PCDH15: variants seen among roughly 807,000 people sequenced by gnomAD.
The protein encoded by PCDH15 is protocadherin-15.
In PCDH15, 129 loss-of-function variants were observed where a neutral mutation model predicts 178.5. That is an observed-to-expected ratio of 0.72 (90% CI 0.63 to 0.84). The LOEUF (loss-of-function observed/expected upper bound fraction) is 0.84, where lower values mean the gene tolerates loss of function less well. Among genes scored for constraint, PCDH15 ranks in the 40% least tolerant of loss-of-function variants. The pLI is 0.00. For missense variants in PCDH15, 2,230 were observed against 2,099.9 expected, an observed-to-expected ratio of 1.06 and a Z score of -1.21; for synonymous variants, 800 against 732.0, an observed-to-expected ratio of 1.09 and a Z score of -1.50.
rs571372581 is a variant in PCDH15 at position 54,612,775 on chromosome 10, AT to A, written c.91+51396del. Among the ~76,000 whole-genome samples, 119 of 151,900 alleles carry A rather than the reference AT, an allele frequency of 7.8e-4. 1 individual carries two copies. The highest frequency in any genetic ancestry group is 2.6e-3 in the Admixed American group (40 of 15,186). ...TACTAAAATGGGACATAATTTATTA[AT>A]TTACACAGTATAAAACCTATTGGAA... On this transcript the variant is annotated intron_variant, in intron 2 of 37. Transcript: ENST00000644397.
At chr10:54,280,646 C>T (rs2058639068) in intron 8 of PCDH15, among the ~76,000 whole-genome samples, 1 of 151,590 alleles carries the variant, frequency 6.6e-6, no homozygotes, top group African/African-American at 2.4e-5. Context: ...TCATTCTTTC[C>T]ATCTCAATTT....
At chr10:54,037,984 A>C (rs2093456739) in intron 18 of PCDH15, among the ~76,000 whole-genome samples, 1 of 151,972 alleles carries the variant, frequency 6.6e-6, no homozygotes, top group Admixed American at 6.6e-5. Flanking sequence ...TATGATACTG[A>C]GAAGTCATAA....
At chr10:55,486,050 C>T (rs1840290079) in intron 2 of PCDH15, among the ~76,000 whole-genome samples, 1 of 151,686 alleles carries the variant, frequency 6.6e-6, no homozygotes, top group Admixed American at 6.6e-5. Flanking sequence ...TGCAATTCTA[C>T]TGGGAGGGCA....
At chr10:55,014,533 C>T (rs1840123844) in intron 2 of PCDH15, among the ~76,000 whole-genome samples, 1 of 151,842 alleles carries the variant, frequency 6.6e-6, no homozygotes, top group Non-Finnish European at 1.5e-5. Flanking sequence ...TAGTGAGCAG[C>T]ACTTCTATAC....
chr10:53,867,009 A>G, intron 26 of PCDH15, 152 bp from the exon 27 acceptor site: 1 of 631,264 alleles, frequency 1.6e-6, no homozygotes, highest in South Asian at 1.8e-5. Flanking sequence ...GGATATAGTT[A>G]TGTAGATTAA....
At chr10:55,520,799 G>A (rs1204525661) in intron 2 of PCDH15, among the ~76,000 whole-genome samples, 1 of 151,668 alleles carries the variant, frequency 6.6e-6, no homozygotes, top group Admixed American at 6.6e-5. Flanking sequence ...TTCTTTTCAA[G>A]AAAATTCCAG....
chr10:55,457,654 GA>G (rs1839583555), intron 2 of PCDH15, among the ~76,000 whole-genome samples: 2 of 151,838 alleles, frequency 1.3e-5, no homozygotes, highest in South Asian at 4.2e-4. Flanking sequence ...TAGGGTGGAT[GA>G]CCTGGTACCA....
chr10:54,359,043 G>C (rs1396320406), intron 5 of PCDH15, among the ~76,000 whole-genome samples: 2 of 150,180 alleles, frequency 1.3e-5, no homozygotes, highest in Non-Finnish European at 3.0e-5. Flanking sequence ...ATAGCATTAG[G>C]AGATATACCT....
intron 25 of PCDH15, among the ~76,000 whole-genome samples, chr10:53,919,259 A>G (rs1269263834): frequency 6.6e-6 from 1 of 152,188 alleles, no homozygotes; most frequent in East Asian, 1.9e-4. Context: ...TCTGCCTACA[A>G]GAGGCATATT....
At chr10:55,366,734 T>A (rs1038846251) in intron 2 of PCDH15, among the ~76,000 whole-genome samples, 13 of 152,188 alleles carry the variant, frequency 8.5e-5, no homozygotes, top group Non-Finnish European at 1.9e-4. Context: ...TATAGCAATC[T>A]TTTTACCTAT....
intron 2 of PCDH15, among the ~76,000 whole-genome samples, chr10:55,464,990 T>C (rs1021186005): frequency 6.6e-6 from 1 of 151,838 alleles, no homozygotes; most frequent in Non-Finnish European, 1.5e-5. Flanking sequence ...GTCTGTTCCT[T>C]TAAACTAGTG....
chr10:54,614,282 A>T (rs1040036224), intron 2 of PCDH15, among the ~76,000 whole-genome samples: 1 of 152,012 alleles, frequency 6.6e-6, no homozygotes, highest in East Asian at 1.9e-4. Flanking sequence ...CATCTGTTGG[A>T]TCATTCAAGC....
intron 20 of PCDH15, among the ~76,000 whole-genome samples, chr10:54,004,345 T>A (rs61858369): frequency 0.055 from 8,281 of 150,652 alleles, 344 homozygotes; most frequent in East Asian, 0.21. Context: ...AGAAGTCAAA[T>A]TATCCTTGTT....
chr10:55,221,174 G>T (rs1011847646), intron 1 of PCDH15, among the ~76,000 whole-genome samples: 10 of 151,956 alleles, frequency 6.6e-5, no homozygotes, highest in African/African-American at 2.4e-4. Flanking sequence ...CACATACATT[G>T]CACAATACAT....
chr10:54,485,633 A>C (rs1007417637), intron 3 of PCDH15, among the ~76,000 whole-genome samples: 8 of 152,134 alleles, frequency 5.3e-5, no homozygotes, highest in East Asian at 3.9e-4. Context: ...ATTCATGAGA[A>C]GACACAAGCT....
At chr10:55,450,654 C>T (rs916866434) in intron 2 of PCDH15, among the ~76,000 whole-genome samples, 1 of 152,014 alleles carries the variant, frequency 6.6e-6, no homozygotes, top group Admixed American at 6.6e-5. Context: ...TTGATATGGT[C>T]ACTTAAAAGA....
chr10:54,478,212 G>GT (rs2078424101), intron 3 of PCDH15, among the ~76,000 whole-genome samples: 1 of 152,110 alleles, frequency 6.6e-6, no homozygotes, highest in African/African-American at 2.4e-5. Context: ...GAGGCTGCTA[G>GT]TTGGCGCATT....
At chr10:54,268,561 C>T (rs1255172611) in intron 8 of PCDH15, among the ~76,000 whole-genome samples, 1 of 151,758 alleles carries the variant, frequency 6.6e-6, no homozygotes, top group Non-Finnish European at 1.5e-5. Flanking sequence ...GCATATATAC[C>T]ATGGAATACT....
intron 2 of PCDH15, among the ~76,000 whole-genome samples, chr10:55,098,811 T>TCA (rs1338577307): frequency 6.6e-6 from 1 of 151,800 alleles, no homozygotes; most frequent in Non-Finnish European, 1.5e-5. Flanking sequence ...CGGAAGCGTC[T>TCA]CTCTCTCTTT....
Sources: allele counts gnomAD v4.1 joint callset (sites outside exome capture counted in the v4.1 genomes callset), GRCh38; gene constraint gnomAD v4.1.1; transcripts MANE v1.5; gene names NCBI Gene and HGNC (gene_info 2026-07-23, HGNC 2026-07-21).